SYNE2: variants seen among roughly 807,000 people sequenced by gnomAD.
SYNE2 encodes the protein spectrin repeat containing nuclear envelope protein 2, also known as nesprin-2.
Under a neutral mutation model 856.3 loss-of-function variants are expected in SYNE2, and 431 were observed. That is an observed-to-expected ratio of 0.50 (90% confidence interval 0.47 to 0.55). SYNE2 has a LOEUF of 0.55. Ranked by LOEUF, SYNE2 falls within the 20% of genes least tolerant of loss-of-function variation. The probability of loss-of-function intolerance (pLI) is 0.00; values close to 1 mark genes in which losing one functional copy is unlikely to be tolerated. For missense variants in SYNE2, 8,129 were observed against 8,023.2 expected, an observed-to-expected ratio of 1.01 and a Z score of -0.50; for synonymous variants, 2,923 against 2,872.3, an observed-to-expected ratio of 1.02 and a Z score of -0.56.
Position 64,021,846 on chromosome 14 carries a change from T to A in SYNE2, c.5353-11T>A. The A allele has an allele frequency of 6.2e-7, 1 of 1,613,590 alleles. No homozygotes were observed. Among genetic ancestry groups the A allele is most frequent in the Non-Finnish European group, 8.5e-7 (1 of 1,179,660 alleles). ...TAAGATTTAATGGTTGTTGTTTGTT[T>A]ATGCATTTAGGAGATACAACAGCAG... On this transcript the variant is annotated splice_polypyrimidine_tract_variant and intron_variant, in intron 36 of 115. Coordinates refer to ENST00000555002, the MANE Select transcript of SYNE2 (RefSeq NM_182914.3).
At chr14:64,048,323 A>G (rs1043405047) in intron 46 of SYNE2, 168 bp downstream of exon 46, 21 of 553,122 alleles carry the variant, frequency 3.8e-5, no homozygotes, top group African/African-American at 3.8e-4. Flanking sequence ...AAGTTGTATA[A>G]ATCTTTCCAT....
chr14:64,021,799 T>C, intron 36 of SYNE2, 58 bp from the exon 37 acceptor site: 18 of 1,567,610 alleles, frequency 1.1e-5, no homozygotes, highest in Non-Finnish European at 1.6e-5. Context: ...TCTAATATGC[T>C]TTGTGTAATT....
chr14:64,130,314 G>A, intron 76 of SYNE2, 66 bp downstream of exon 76: 1 of 1,313,534 alleles, frequency 7.6e-7, no homozygotes, highest in East Asian at 2.5e-5. Flanking sequence ...TTCTGAATGT[G>A]AACAGAAAGG....
chr14:63,822,964 C>T (rs1595146165), intron 1 of SYNE2, among the ~76,000 whole-genome samples: 2 of 152,056 alleles, frequency 1.3e-5, no homozygotes, highest in South Asian at 4.1e-4. Context: ...ATTAGCTGGA[C>T]ATGGTGGCAT....
chr14:63,944,192 T>A (rs1193651899), intron 6 of SYNE2, among the ~76,000 whole-genome samples: 1 of 150,772 alleles, frequency 6.6e-6, no homozygotes. Context: ...AATTAATGTA[T>A]GTTCATATGT....
intron 99 of SYNE2, chr14:64,190,777 C>A (rs776128737): frequency 5.6e-5 from 37 of 658,466 alleles, no homozygotes; most frequent in Non-Finnish European, 8.9e-5. Context: ...GCAGCCCAGT[C>A]CTAAATCAAA....
chr14:64,112,806 T>C (rs2097822087), intron 65 of SYNE2, among the ~76,000 whole-genome samples: 1 of 152,254 alleles, frequency 6.6e-6, no homozygotes, highest in Non-Finnish European at 1.5e-5. Flanking sequence ...AGTAATACCA[T>C]GTATGTTTTT....
chr14:63,835,605 C>T (rs1011825680), intron 1 of SYNE2, among the ~76,000 whole-genome samples: 6 of 151,664 alleles, frequency 4.0e-5, no homozygotes, highest in African/African-American at 1.5e-4. Flanking sequence ...ATTTCCAGCC[C>T]TGAAAGTACA....
chr14:63,928,912 G>A (rs2153393968), intron 2 of SYNE2, among the ~76,000 whole-genome samples: 1 of 152,300 alleles, frequency 6.6e-6, no homozygotes, highest in South Asian at 2.1e-4. Flanking sequence ...ATTAGCACAT[G>A]CCTGTGACAT....
At chr14:63,778,498 T>G (rs1246474912) in intron 1 of SYNE2, among the ~76,000 whole-genome samples, 1 of 152,122 alleles carries the variant, frequency 6.6e-6, no homozygotes, top group Non-Finnish European at 1.5e-5. Flanking sequence ...TTAATTTTAT[T>G]ATTTTATTTA....
intron 33 of SYNE2, 22 bp downstream of exon 33, chr14:64,016,653 T>G: frequency 6.6e-7 from 1 of 1,522,960 alleles, no homozygotes; most frequent in South Asian, 1.2e-5. Flanking sequence ...TTTCATTGAT[T>G]GCAAATTTAA....
intron 51 of SYNE2, among the ~76,000 whole-genome samples, chr14:64,065,948 A>G (rs1000405233): frequency 2.0e-5 from 3 of 152,232 alleles, no homozygotes; most frequent in Admixed American, 6.5e-5. Context: ...CCTCTCAGAA[A>G]TAACTGTCTC....
chr14:64,065,307 A>T, intron 50 of SYNE2, 125 bp from the exon 51 acceptor site: 1 of 817,014 alleles, frequency 1.2e-6, no homozygotes, highest in Non-Finnish European at 2.0e-6. Context: ...AAAGGATAAG[A>T]GGTGGATCAT....
chr14:64,057,216 T>G (rs2153581861), intron 49 of SYNE2, among the ~76,000 whole-genome samples: 1 of 152,214 alleles, frequency 6.6e-6, no homozygotes, highest in East Asian at 1.9e-4. Flanking sequence ...ATACTAGATC[T>G]TATTCATTCT....
In SYNE2 at chr14:64,025,241, A is replaced by G. The variant is rs1321996435; in HGVS notation, c.6072A>G (p.Thr2024=). The G allele has an allele frequency of 6.2e-7, 1 of 1,614,152 alleles. No homozygotes were observed. Among genetic ancestry groups the G allele is most frequent in the Non-Finnish European group, 8.5e-7 (1 of 1,180,002 alleles). The change falls in exon 41 of 116, where the codon ACA becomes ACG. Residue 2024 remains threonine (T), a synonymous_variant. Transcript: ENST00000555002. Reference sequence around the variant, plus strand: ...CATGTTTGATGGATAGATACCAGACATTACTGAGACAACTAAGTGAAATCG... The same window carrying G: ...CATGTTTGATGGATAGATACCAGACGTTACTGAGACAACTAAGTGAAATCG... ...EATCLMDRYQ[T]LLRQLSEIEE...
intron 19 of SYNE2, among the ~76,000 whole-genome samples, chr14:63,988,600 C>A (rs1387210415): frequency 1.3e-5 from 2 of 152,158 alleles, no homozygotes; most frequent in Non-Finnish European, 1.5e-5. Context: ...TCTATTTTAT[C>A]ATACCCATGT....
In SYNE2 at chr14:64,119,758, A is replaced by G. The variant is rs556276901; in HGVS notation, c.13023+149A>G. 4.4e-5 allele frequency: 34 copies of G among 770,290 alleles called. No individual in the cohort carries two copies. In the African/African-American group the frequency reaches 5.8e-4, roughly 13 times the overall value. The allele number at this position is 770,290 out of a possible 1,614,324, so 47.7% of individuals were successfully genotyped here. ...TCACACATTAACACCATAGATGAGT[A>G]CACTGGCTTGTTATTTTTATTTCAT... On this transcript the variant is annotated intron_variant, in intron 67 of 115. Transcript: ENST00000555002.
intron 1 of SYNE2, among the ~76,000 whole-genome samples, chr14:63,842,343 G>C (rs139551682): frequency 3.3e-4 from 50 of 151,132 alleles, no homozygotes; most frequent in Non-Finnish European, 5.7e-4. Context: ...GTAGAGACAG[G>C]GTTTTGCCAT....
chr14:64,035,104 T>A (rs572764743), intron 45 of SYNE2, among the ~76,000 whole-genome samples: 53 of 152,062 alleles, frequency 3.5e-4, no homozygotes, highest in African/African-American at 1.2e-3. Context: ...GACGTAATTG[T>A]TAGCATTTCT....
Sources: allele counts gnomAD v4.1 joint callset (sites outside exome capture counted in the v4.1 genomes callset), GRCh38; gene constraint gnomAD v4.1.1; transcripts MANE v1.5; gene names NCBI Gene and HGNC (gene_info 2026-07-23, HGNC 2026-07-21).